The following NRXN1 variants were observed in gnomAD, a reference collection of about 807,000 sequenced individuals.
NRXN1 encodes neurexin 1, also known as neurexin-1.
NRXN1 carries 39 observed loss-of-function variants against 150.9 expected under a neutral mutation model. The observed-to-expected ratio is 0.26, with a 90% CI of 0.20 to 0.34. The LOEUF (loss-of-function observed/expected upper bound fraction) is 0.34. NRXN1 is among the 10% of genes least tolerant of loss of function. The pLI is 1.00. For missense variants in NRXN1, 1,815 were observed against 1,949.9 expected (o/e 0.93, Z 1.30); for synonymous variants, 924 against 757.0 (o/e 1.22, Z -3.62).
At chr2:50,613,404 T>A (rs889979864) in intron 8 of NRXN1, among the ~76,000 whole-genome samples, 19 of 152,188 alleles carry the variant, frequency 1.2e-4, no homozygotes, top group African/African-American at 3.9e-4. Flanking sequence ...ACATGGCTAC[T>A]TTGTGAGTCA....
intron 21 of NRXN1, among the ~76,000 whole-genome samples, chr2:50,019,837 A>T (rs997518365): frequency 1.4e-5 from 2 of 145,012 alleles, no homozygotes; most frequent in Non-Finnish European, 1.5e-5. Flanking sequence ...AGTCCCAGCT[A>T]CTCCGGAGGC....
intron 18 of NRXN1, among the ~76,000 whole-genome samples, chr2:50,215,825 A>T (rs1459946390): frequency 6.6e-6 from 1 of 152,074 alleles, no homozygotes; most frequent in Non-Finnish European, 1.5e-5. Flanking sequence ...TCAGCTCAAC[A>T]ACATGTATCT....
At chr2:50,460,157 C>T (rs2088021001) in intron 17 of NRXN1, among the ~76,000 whole-genome samples, 1 of 151,964 alleles carries the variant, frequency 6.6e-6, no homozygotes, top group African/African-American at 2.4e-5. Context: ...ACAGTAAGAC[C>T]AACATTGAAA....
chr2:50,788,723 C>G (rs1436170738), intron 5 of NRXN1, among the ~76,000 whole-genome samples: 2 of 152,162 alleles, frequency 1.3e-5, no homozygotes, highest in East Asian at 3.9e-4. Context: ...TGATGGCAAG[C>G]TTAACTGTGT....
intron 5 of NRXN1, among the ~76,000 whole-genome samples, chr2:50,875,099 C>T (rs188615907): frequency 2.6e-5 from 4 of 151,728 alleles, no homozygotes; most frequent in African/African-American, 9.6e-5. Context: ...AGAGAAAATT[C>T]TCTAGTAGTA....
intron 17 of NRXN1, among the ~76,000 whole-genome samples, chr2:50,310,537 T>C (rs1047242375): frequency 1.2e-4 from 18 of 152,104 alleles, no homozygotes; most frequent in African/African-American, 4.3e-4. Flanking sequence ...GGCAAGTGTA[T>C]AAGAATATAG....
At chr2:50,490,205 C>T (rs2091170253) in intron 15 of NRXN1, among the ~76,000 whole-genome samples, 1 of 152,200 alleles carries the variant, frequency 6.6e-6, no homozygotes, top group African/African-American at 2.4e-5. Context: ...TGAACCTCGG[C>T]TCATCCATCC....
intron 8 of NRXN1, among the ~76,000 whole-genome samples, chr2:50,565,720 G>C (rs998962262): frequency 6.6e-6 from 1 of 152,078 alleles, no homozygotes; most frequent in African/African-American, 2.4e-5. Context: ...AAAGTGAATA[G>C]TACCAGCCTA....
At chr2:50,332,786 G>A (rs1242604927) in intron 17 of NRXN1, among the ~76,000 whole-genome samples, 1 of 152,142 alleles carries the variant, frequency 6.6e-6, no homozygotes, top group Non-Finnish European at 1.5e-5. Context: ...ATTAAACTAA[G>A]ATGCTCAGCC....
rs1331516649 is a variant in NRXN1, at chr2:50,552,774, T to C, written c.1572A>G (p.Pro524=). The change falls in exon 9 of 23, where the codon CCA becomes CCG. Residue 524 remains proline (P), a synonymous_variant. Transcript: ENST00000401669. ...GGTGCTTGGCATCTTTCTGATGTCT[T>C]GGCTTGCCATGGCTAAATAAGATGA... The part of the protein sequence containing the change: ...NGLILFSHGK[P]RHQKDAKHPQ... 8 of 1,613,982 alleles carry C rather than the reference T, an allele frequency of 5.0e-6. No individual in the cohort carries two copies. In the East Asian group the frequency reaches 1.8e-4, roughly 36 times the overall value.
chr2:50,670,195 T>A (rs962741059), intron 5 of NRXN1, among the ~76,000 whole-genome samples: 1 of 151,892 alleles, frequency 6.6e-6, no homozygotes, highest in South Asian at 2.1e-4. Context: ...TCCTAAAGAT[T>A]AGTTCAAGGT....
At chr2:50,199,174 G>A (rs1275760007) in intron 18 of NRXN1, 1 of 152,072 alleles carries the variant, frequency 6.6e-6, no homozygotes. Context: ...TTAGCTGGAT[G>A]AAAATAAAAC....
intron 15 of NRXN1, among the ~76,000 whole-genome samples, chr2:50,495,031 CAAAA>C (rs557134128): frequency 7.5e-5 from 6 of 80,342 alleles, no homozygotes; most frequent in Non-Finnish European, 5.4e-5. Context: ...ACTCTGTCTC[CAAAA>C]AAAAAAAAAA....
intron 17 of NRXN1, among the ~76,000 whole-genome samples, chr2:50,336,173 G>A (rs1197226682): frequency 6.6e-6 from 1 of 152,166 alleles, no homozygotes; most frequent in Non-Finnish European, 1.5e-5. Context: ...ATTTTAAGTG[G>A]AATGTGTGAA....
chr2:50,404,175 TTTGTTGTTG>T (rs147734893), intron 17 of NRXN1, among the ~76,000 whole-genome samples: 2,043 of 151,602 alleles, frequency 0.013, 60 homozygotes, highest in African/African-American at 0.047. Context: ...TTTGTTTTGT[TTTGTTGTTG>T]TTGTTGTTGT....
intron 2 of NRXN1, among the ~76,000 whole-genome samples, chr2:50,981,853 G>GTA (rs1558530251): frequency 5.3e-5 from 8 of 151,754 alleles, no homozygotes; most frequent in Non-Finnish European, 1.2e-4. Flanking sequence ...ATGTGTGTGT[G>GTA]TGTGTGTGTG....
At chr2:50,329,020 A>G (rs192040478) in intron 17 of NRXN1, among the ~76,000 whole-genome samples, 4 of 152,330 alleles carry the variant, frequency 2.6e-5, no homozygotes, top group African/African-American at 9.6e-5. Flanking sequence ...GTAGAAGATA[A>G]GAAGGCTAGA....
At chr2:50,356,031 T>C (rs558294156) in intron 17 of NRXN1, among the ~76,000 whole-genome samples, 1 of 152,208 alleles carries the variant, frequency 6.6e-6, no homozygotes, top group Non-Finnish European at 1.5e-5. Context: ...TTCCTACTCA[T>C]GTTATAAACA....
At chr2:50,409,499 T>C (rs957883291) in intron 17 of NRXN1, among the ~76,000 whole-genome samples, 5 of 152,230 alleles carry the variant, frequency 3.3e-5, no homozygotes, top group Non-Finnish European at 5.9e-5. Flanking sequence ...AGTAGGCTTG[T>C]CATTCTCAAA....
Sources: allele counts gnomAD v4.1 joint callset (sites outside exome capture counted in the v4.1 genomes callset), GRCh38; gene constraint gnomAD v4.1.1; transcripts MANE v1.5; gene names NCBI Gene and HGNC (gene_info 2026-07-23, HGNC 2026-07-21).